CCDC167: variants seen among roughly 807,000 people sequenced by gnomAD.
The protein encoded by CCDC167 is coiled-coil domain-containing protein 167.
In CCDC167, 15 loss-of-function variants were observed where a neutral mutation model predicts 12.7. The observed-to-expected ratio is 1.18, with a 90% CI of 0.79 to 1.81. The LOEUF is 1.81. Ranked by LOEUF, CCDC167 falls within the 40% of genes most tolerant of loss-of-function variation. The pLI, the probability that CCDC167 is intolerant of heterozygous loss-of-function variation, is 0.00. For synonymous variants in CCDC167, 52 were observed against 49.0 expected, an observed-to-expected ratio of 1.06 and a Z score of -0.26; for missense variants, 121 against 120.1, an observed-to-expected ratio of 1.01 and a Z score of -0.03.
chr6:37,484,956 T>G (rs1761922186), intron 2 of CCDC167, 94 bp from the exon 3 acceptor site: 1 of 1,536,152 alleles, frequency 6.5e-7, no homozygotes, highest in African/African-American at 1.4e-5. Flanking sequence ...TTGGGTCTTG[T>G]TCGGCGGCAG....
intron 3 of CCDC167, 34 bp downstream of exon 3, chr6:37,484,776 G>A (rs1298752550): frequency 6.2e-7 from 1 of 1,613,484 alleles, no homozygotes; most frequent in Non-Finnish European, 8.5e-7. Context: ...GGGGACTGGA[G>A]GCTGGGGCTG....
intron 1 of CCDC167, among the ~76,000 whole-genome samples, chr6:37,486,795 C>T (rs1381434797): frequency 6.6e-6 from 1 of 152,236 alleles, no homozygotes; most frequent in African/African-American, 2.4e-5. Flanking sequence ...GAAATGAACA[C>T]TGGGAAGCCA....
At chr6:37,497,669 C>T (rs1762115480) in intron 1 of CCDC167, among the ~76,000 whole-genome samples, 1 of 152,186 alleles carries the variant, frequency 6.6e-6, no homozygotes, top group Admixed American at 6.5e-5. Flanking sequence ...GCCTGGCCGA[C>T]ATGGCAAGAC....
chr6:37,485,301 C>A (rs1422009235), intron 1 of CCDC167, 107 bp from the exon 2 acceptor site: 3 of 849,788 alleles, frequency 3.5e-6, no homozygotes, highest in East Asian at 2.5e-5. Flanking sequence ...GTGTTCCCCC[C>A]ATTCGTTTTG....
chr6:37,483,211 A>C lies in CCDC167; in HGVS notation c.269T>G (p.Leu90Arg). 1.9e-6 allele frequency: 3 copies of C among 1,614,076 alleles called. No individual in the cohort carries two copies. Among genetic ancestry groups the C allele is most frequent in the Non-Finnish European group, 2.5e-6 (3 of 1,179,904 alleles). ...TCACATGGTCCAGTAGGCATAGACG[A>C]GCGTCAGGAGGATAAAGATGGCCAC... ...LSVAIFILLT[L>R]VYAYWTM Residue 90 changes from leucine (L) to arginine (R), a missense_variant, in exon 4 of 4, where the codon CTC (leucine) becomes CGC (arginine). Transcript: ENST00000373408.
chr6:37,485,109 G>C lies in CCDC167; in HGVS notation c.128C>G (p.Pro43Arg). Residue 43 changes from proline (P) to arginine (R), a missense_variant, in exon 2 of 4, where the codon CCA becomes CGA. Coordinates refer to ENST00000373408, the MANE Select transcript of CCDC167 (RefSeq NM_138493.3). ...NSRLHSRELS[P>R]EARRSLEKEK... is the part of the protein sequence containing the mutation. Reference sequence around the variant, plus strand: ...TGGGCAGGAGCATTACCTGGCCTCTGGGCTCAGCTCCCGGCTGTGGAGTCT... The same window carrying C: ...TGGGCAGGAGCATTACCTGGCCTCTCGGCTCAGCTCCCGGCTGTGGAGTCT... The C allele has an allele frequency of 6.2e-7, 1 of 1,612,260 alleles. No homozygotes were observed. The highest frequency in any genetic ancestry group is 8.5e-7 in the Non-Finnish European group (1 of 1,179,750).
At chr6:37,499,530 C>A (rs998994619) in intron 1 of CCDC167, among the ~76,000 whole-genome samples, 1 of 151,840 alleles carries the variant, frequency 6.6e-6, no homozygotes, top group African/African-American at 2.4e-5. Flanking sequence ...GCTTTGAGTT[C>A]CCTCACTTCT....
chr6:37,496,151 C>T (rs750603985), intron 1 of CCDC167, among the ~76,000 whole-genome samples: 11 of 151,916 alleles, frequency 7.2e-5, no homozygotes, highest in Non-Finnish European at 1.5e-4. Context: ...CGTAAAAATC[C>T]GGCCGAGTGT....
intron 1 of CCDC167, among the ~76,000 whole-genome samples, chr6:37,492,678 T>C (rs1417112909): frequency 6.6e-6 from 1 of 152,228 alleles, no homozygotes; most frequent in Non-Finnish European, 1.5e-5. Flanking sequence ...TGGTGTCAGC[T>C]GTTTCATCTC....
At chr6:37,490,808 C>G (rs549825855) in intron 1 of CCDC167, among the ~76,000 whole-genome samples, 1 of 152,206 alleles carries the variant, frequency 6.6e-6, no homozygotes, top group South Asian at 2.1e-4. Context: ...TCTTCATGCC[C>G]AGCGGCAGGG....
chr6:37,483,167 T>C lies in CCDC167; in HGVS notation c.*19A>G, dbSNP rs747086703. On this transcript the variant is annotated 3_prime_UTR_variant, in exon 4 of 4. Transcript: ENST00000373408. ...GGGGCCAAGTGGAAGCCTGTGCTGG[T>C]TGTGGGGAAGTGCCAGGCTCACATG... 1 of 1,585,518 alleles carries C rather than the reference T, an allele frequency of 6.3e-7. No homozygotes were observed. Among genetic ancestry groups the C allele is most frequent in the East Asian group, 2.2e-5 (1 of 44,722 alleles).
intron 1 of CCDC167, among the ~76,000 whole-genome samples, chr6:37,486,643 CTTGAG>C (rs991756149): frequency 3.9e-5 from 6 of 152,204 alleles, no homozygotes; most frequent in African/African-American, 1.4e-4. Context: ...ACCACAGAGC[CTTGAG>C]TTAATTGCCT....
intron 3 of CCDC167, among the ~76,000 whole-genome samples, chr6:37,484,278 C>T (rs1489853338): frequency 6.6e-6 from 1 of 152,228 alleles, no homozygotes; most frequent in Non-Finnish European, 1.5e-5. Context: ...TGGTCCTCCC[C>T]AGCCTTTAGC....
At chr6:37,483,930 G>T (rs1028600072) in intron 3 of CCDC167, among the ~76,000 whole-genome samples, 5 of 152,230 alleles carry the variant, frequency 3.3e-5, no homozygotes, top group African/African-American at 1.2e-4. Context: ...GGGGTACTCT[G>T]TGAGGGCTAA....
intron 1 of CCDC167, among the ~76,000 whole-genome samples, chr6:37,487,164 C>G (rs1581763528): frequency 6.6e-6 from 1 of 152,250 alleles, no homozygotes; most frequent in South Asian, 2.1e-4. Flanking sequence ...TAAATGGTGC[C>G]AACTGGCAGC....
chr6:37,493,771 T>G (rs1257658180), intron 1 of CCDC167, among the ~76,000 whole-genome samples: 1 of 152,240 alleles, frequency 6.6e-6, no homozygotes, highest in Non-Finnish European at 1.5e-5. Context: ...TGCCTCCTCC[T>G]GCCAATCGAG....
chr6:37,498,342 C>T (rs530872447), intron 1 of CCDC167, among the ~76,000 whole-genome samples: 89 of 152,132 alleles, frequency 5.9e-4, no homozygotes, highest in Non-Finnish European at 9.7e-4. Flanking sequence ...CTTATTGTAC[C>T]CTAATGCAGG....
At chr6:37,498,355 A>C (rs944973085) in intron 1 of CCDC167, among the ~76,000 whole-genome samples, 1 of 152,108 alleles carries the variant, frequency 6.6e-6, no homozygotes, top group Admixed American at 6.5e-5. Flanking sequence ...AATGCAGGTT[A>C]CAAAGTCTAT....
intron 1 of CCDC167, among the ~76,000 whole-genome samples, chr6:37,494,135 G>A (rs369606542): frequency 1.4e-5 from 2 of 142,688 alleles, no homozygotes; most frequent in South Asian, 4.5e-4. Context: ...GCACCATCTC[G>A]GCTCACCGCA....
Sources: allele counts gnomAD v4.1 joint callset (sites outside exome capture counted in the v4.1 genomes callset), GRCh38; gene constraint gnomAD v4.1.1; transcripts MANE v1.5; gene names NCBI Gene and HGNC (gene_info 2026-07-23, HGNC 2026-07-21).